The following KCNIP4 variants were observed in gnomAD, a reference collection of about 807,000 sequenced individuals.
KCNIP4 encodes potassium voltage-gated channel interacting protein 4.
KCNIP4 carries 12 observed loss-of-function variants against 34.0 expected under a neutral mutation model. The observed-to-expected ratio is 0.35, with a 90% CI of 0.23 to 0.57. The LOEUF (loss-of-function observed/expected upper bound fraction) is 0.57, where lower values mean the gene tolerates loss of function less well. Among genes scored for constraint, KCNIP4 ranks in the 20% least tolerant of loss-of-function variants. The probability of loss-of-function intolerance (pLI) is 0.83; values close to 1 mark genes in which losing one functional copy is unlikely to be tolerated. For synonymous variants in KCNIP4, 124 were observed against 102.2 expected (o/e 1.21, Z -1.29); for missense variants, 238 against 311.7 (o/e 0.76, Z 1.78).
At chr4:20,894,086 G>A (rs1726241783) in intron 1 of KCNIP4, among the ~76,000 whole-genome samples, 1 of 151,984 alleles carries the variant, frequency 6.6e-6, no homozygotes, top group Non-Finnish European at 1.5e-5. Context: ...TCACTATGTT[G>A]GCCAGGCTGG....
intron 5 of KCNIP4, among the ~76,000 whole-genome samples, chr4:20,738,910 G>A (rs1750359036): frequency 6.6e-6 from 1 of 152,192 alleles, no homozygotes; most frequent in Non-Finnish European, 1.5e-5. Flanking sequence ...TTTTCCAACA[G>A]TCTTAGCAAA....
chr4:21,807,992 T>G, intron 1 of KCNIP4, among the ~76,000 whole-genome samples: 1 of 152,172 alleles, frequency 6.6e-6, no homozygotes, highest in East Asian at 1.9e-4. Context: ...AGGTGTTTGG[T>G]AAGTTAAATA....
At chr4:20,973,670 C>A (rs1735201545) in intron 1 of KCNIP4, among the ~76,000 whole-genome samples, 1 of 152,120 alleles carries the variant, frequency 6.6e-6, no homozygotes, top group African/African-American at 2.4e-5. Context: ...CTTTTGATTT[C>A]AAGTGAGAGA....
At position 21,036,145 on chromosome 4, in the gene KCNIP4, GTC is replaced by G. The variant is rs1333980974; in HGVS notation, c.62-153438_62-153437del. On this transcript the variant is annotated intron_variant, in intron 1 of 8. Coordinates refer to ENST00000382152, the MANE Select transcript of KCNIP4 (RefSeq NM_025221.6). ...CTTGCTCCATAATCTTTGCCACAGA[GTC>G]TGTTTGGAACATACTTATGCTATGC... is the stretch of plus-strand genomic sequence containing the variant. Among the ~76,000 whole-genome samples the G allele has an allele frequency of 2.0e-5, 3 of 152,142 alleles. No homozygotes were observed. The East Asian group carries it at 5.8e-4, about 29-fold the overall frequency.
chr4:21,563,420 T>C (rs1301526196), intron 1 of KCNIP4, among the ~76,000 whole-genome samples: 9 of 152,110 alleles, frequency 5.9e-5, no homozygotes, highest in African/African-American at 2.2e-4. Flanking sequence ...TTGCTTAATC[T>C]TTCTGTGTGT....
intron 1 of KCNIP4, among the ~76,000 whole-genome samples, chr4:21,364,906 A>G (rs1262578897): frequency 6.6e-6 from 1 of 152,186 alleles, no homozygotes; most frequent in East Asian, 1.9e-4. Flanking sequence ...CTTTGCATAA[A>G]GTCAGAAAAG....
At chr4:20,763,734 G>T (rs868014654) in intron 3 of KCNIP4, among the ~76,000 whole-genome samples, 2 of 152,018 alleles carry the variant, frequency 1.3e-5, no homozygotes, top group African/African-American at 4.8e-5. Flanking sequence ...TTTTTATTTT[G>T]TATTTTTGTA....
At chr4:21,044,459 C>G (rs934358917) in intron 1 of KCNIP4, among the ~76,000 whole-genome samples, 8 of 152,094 alleles carry the variant, frequency 5.3e-5, no homozygotes, top group African/African-American at 1.7e-4. Context: ...CTAGAGGCAC[C>G]TGCCACCATG....
chr4:21,724,948 T>C (rs141069652), intron 1 of KCNIP4, among the ~76,000 whole-genome samples: 129 of 152,264 alleles, frequency 8.5e-4, no homozygotes, highest in African/African-American at 2.7e-3. Flanking sequence ...TTGAGCTTCC[T>C]CTACTCAGTC....
rs559497954 is a variant in KCNIP4, at chr4:20,754,492, A to T, written c.358+4329T>A. Among the ~76,000 whole-genome samples the T allele has an allele frequency of 6.6e-5, 10 of 152,322 alleles. No homozygotes were observed. The South Asian group carries it at 2.1e-3, about 32-fold the overall frequency. On this transcript the variant is annotated intron_variant, in intron 4 of 8. Transcript: ENST00000382152. ...ATGAATTCGCCTGCCATCAGAGATC[A>T]CATTCTTCCTTAGGACATTTTTCCT...
At chr4:20,907,426 C>T (rs1727878798) in intron 1 of KCNIP4, among the ~76,000 whole-genome samples, 1 of 152,088 alleles carries the variant, frequency 6.6e-6, no homozygotes, top group Non-Finnish European at 1.5e-5. Flanking sequence ...AAAATGTAGA[C>T]AGATAATCTA....
intron 3 of KCNIP4, among the ~76,000 whole-genome samples, chr4:20,802,145 A>ATATATATGCTATATATATGC (rs201036512): frequency 2.2e-5 from 3 of 138,094 alleles, no homozygotes; most frequent in Non-Finnish European, 3.2e-5. Context: ...TATATATGCT[A>ATATATATGCTATATATATGC]TATATATGCT....
Position 21,188,735 on chromosome 4 carries a change from C to T in KCNIP4, c.62-306026G>A, listed in dbSNP as rs138773022. Among the ~76,000 whole-genome samples, 10 of 152,158 alleles carry T rather than the reference C, an allele frequency of 6.6e-5. No individual in the cohort carries two copies. The East Asian group carries it at 1.7e-3, about 26-fold the overall frequency. ...GCATCCCCTCACAAGAGTAGCATCC[C>T]GAAGGAAACTTCATAGCATTAACCA... is the stretch of plus-strand genomic sequence containing the variant. On this transcript the variant is annotated intron_variant, in intron 1 of 8. Transcript: ENST00000382152.
intron 1 of KCNIP4, among the ~76,000 whole-genome samples, chr4:21,217,992 T>G (rs974473244): frequency 2.0e-5 from 3 of 150,138 alleles, no homozygotes; most frequent in Non-Finnish European, 4.4e-5. Context: ...GTATAGTTTT[T>G]TTTTTTAAAT....
At chr4:21,943,518 C>A (rs1730316213) in intron 1 of KCNIP4, among the ~76,000 whole-genome samples, 1 of 151,792 alleles carries the variant, frequency 6.6e-6, no homozygotes, top group South Asian at 2.1e-4. Flanking sequence ...CCAGCCTGGG[C>A]AACAGAGTGA....
At chr4:21,006,721 T>C (rs969807682) in intron 1 of KCNIP4, among the ~76,000 whole-genome samples, 6 of 152,138 alleles carry the variant, frequency 3.9e-5, no homozygotes, top group Non-Finnish European at 8.8e-5. Flanking sequence ...GCCCAGGACA[T>C]GGGGCAGGGA....
intron 1 of KCNIP4, among the ~76,000 whole-genome samples, chr4:21,087,167 T>TGTGTGG: frequency 6.8e-6 from 1 of 147,108 alleles, no homozygotes; most frequent in African/African-American, 2.6e-5. Context: ...TGTGTGTGTG[T>TGTGTGG]GTGTGTGTGT....
At chr4:20,771,761 C>G (rs1755907195) in intron 3 of KCNIP4, among the ~76,000 whole-genome samples, 1 of 152,108 alleles carries the variant, frequency 6.6e-6, no homozygotes, top group South Asian at 2.1e-4. Context: ...GCTCCACCTC[C>G]TGGGTTCAAG....
Position 20,749,647 on chromosome 4 carries a change from T to A in KCNIP4, c.429+15A>T. The A allele has an allele frequency of 6.4e-7, 1 of 1,559,074 alleles. No homozygotes were observed. The highest frequency in any genetic ancestry group is 8.8e-7 in the Non-Finnish European group (1 of 1,135,210). On this transcript the variant is annotated intron_variant, in intron 5 of 8. Transcript: ENST00000382152. ...TCTAAATAGTCAAATGATATGAAAA[T>A]AATCCAGAGCTTACCTCGAAACTCA...
Sources: allele counts gnomAD v4.1 joint callset (sites outside exome capture counted in the v4.1 genomes callset), GRCh38; gene constraint gnomAD v4.1.1; transcripts MANE v1.5; gene names NCBI Gene and HGNC (gene_info 2026-07-23, HGNC 2026-07-21).